The following TRAP1 variants were observed in gnomAD, a reference collection of about 807,000 sequenced individuals.
The protein encoded by TRAP1 is heat shock protein 75 kDa, mitochondrial.
Under a neutral mutation model 89.1 loss-of-function variants are expected in TRAP1, and 102 were observed. That is an observed-to-expected ratio of 1.15 (90% CI 0.98 to 1.35). The LOEUF is 1.35. Among genes scored for constraint, TRAP1 ranks in the 40% most tolerant of loss-of-function variants. TRAP1 has a pLI of 0.00. For synonymous variants in TRAP1, 508 were observed against 388.0 expected, an observed-to-expected ratio of 1.31 and a Z score of -3.64; for missense variants, 1,256 against 945.3, an observed-to-expected ratio of 1.33 and a Z score of -4.31.
intron 11 of TRAP1, 54 bp downstream of exon 11, chr16:3,671,668 G>T: frequency 6.3e-7 from 1 of 1,579,202 alleles, no homozygotes. Context: ...GGGCAAAGGA[G>T]CAGGTAGGGG....
chr16:3,676,052 G>A lies in TRAP1; in HGVS notation c.798C>T (p.Ser266=), dbSNP rs779546794. ...CCCGCTCACCTCGCACCCGGGCCTC[G>A]CTGGAAAACTCCTTGCAGTCGGATT... ...HLKSDCKEFS[S]EARVRDVVTK... is the part of the protein sequence containing the mutation. Residue 266 remains serine, a synonymous_variant, in exon 7 of 18, where the codon AGC becomes AGT. Transcript: ENST00000246957. 1.5e-5 allele frequency: 25 copies of A among 1,613,580 alleles called. No individual in the cohort carries two copies. Among genetic ancestry groups the A allele is most frequent in the African/African-American group, 4.0e-5 (3 of 74,912 alleles).
intron 1 of TRAP1, among the ~76,000 whole-genome samples, chr16:3,695,809 G>A (rs530664331): frequency 2.6e-5 from 4 of 152,262 alleles, no homozygotes; most frequent in African/African-American, 4.8e-5. Context: ...CCCGATTTAC[G>A]CATGTGCCAA....
At chr16:3,711,913 T>C (rs983032415) in intron 1 of TRAP1, among the ~76,000 whole-genome samples, 1 of 152,170 alleles carries the variant, frequency 6.6e-6, no homozygotes, top group African/African-American at 2.4e-5. Flanking sequence ...AAAAACGCCA[T>C]CCATGAACAT....
intron 7 of TRAP1, 109 bp downstream of exon 7, chr16:3,675,927 G>C: frequency 1.0e-6 from 1 of 980,740 alleles, no homozygotes; most frequent in African/African-American, 1.6e-5. Context: ...TCACGGCTCT[G>C]CCTGTGCACC....
intron 9 of TRAP1, among the ~76,000 whole-genome samples, chr16:3,673,564 C>T (rs766433608): frequency 4.1e-5 from 6 of 148,110 alleles, no homozygotes; most frequent in Non-Finnish European, 9.0e-5. Context: ...TGGGGGGGAT[C>T]CGGTTAAAAT....
intron 1 of TRAP1, among the ~76,000 whole-genome samples, chr16:3,698,046 C>T (rs554164810): frequency 2.0e-5 from 3 of 151,872 alleles, no homozygotes; most frequent in Non-Finnish European, 4.4e-5. Context: ...CTCCTGACCT[C>T]GTGATCCGTC....
At chr16:3,674,978 G>A in intron 8 of TRAP1, 1 of 341,010 alleles carries the variant, frequency 2.9e-6, no homozygotes, top group Non-Finnish European at 5.5e-6. Context: ...GTGGGGAAAG[G>A]GCTGCTTTTT....
chr16:3,672,607 G>A (rs879270350), intron 10 of TRAP1, 93 bp downstream of exon 10: 100 of 1,467,352 alleles, frequency 6.8e-5, no homozygotes, highest in Non-Finnish European at 8.6e-5. Flanking sequence ...CGCTGCAGAG[G>A]GCTGCTGAGA....
chr16:3,717,254 C>A (rs375773666), intron 1 of TRAP1, among the ~76,000 whole-genome samples, 167 bp downstream of exon 1: 1 of 152,370 alleles, frequency 6.6e-6, no homozygotes, highest in South Asian at 2.1e-4. Context: ...CAAGCTGGAG[C>A]TGGCGAGGAG....
intron 8 of TRAP1, 92 bp from the exon 9 acceptor site, chr16:3,674,586 C>T (rs1466990571): frequency 6.3e-5 from 93 of 1,466,854 alleles, no homozygotes; most frequent in Non-Finnish European, 8.6e-5. Flanking sequence ...GCGCCTGGCC[C>T]TGGACAGGCT....
At chr16:3,661,956 C>T in intron 16 of TRAP1, 31 bp downstream of exon 16, 7 of 1,564,224 alleles carry the variant, frequency 4.5e-6, no homozygotes, top group South Asian at 1.2e-5. Flanking sequence ...GGGAATCCCA[C>T]AGGCTGGAAG....
At position 3,671,745 on chromosome 16, in the gene TRAP1, C is replaced by T. The variant is rs891673760; in HGVS notation, c.1212G>A (p.Leu404=). ...EDIPLNLSRE[L]LQESALIRKL... is the part of the protein sequence containing the mutation. The stretch of plus-strand genomic sequence containing the variant: ...ACCTGATGAGTGCGCTCTCCTGCAG[C>T]AGCTCCCGGCTGAGGTTCAGGGGAA... Residue 404 remains leucine (L), a synonymous_variant, in exon 11 of 18, where the codon CTG becomes CTA. Transcript: ENST00000246957. 6.2e-7 allele frequency: 1 copy of T among 1,613,200 alleles called. No individual in the cohort carries two copies. The highest frequency in any genetic ancestry group is 8.5e-7 in the Non-Finnish European group (1 of 1,180,040).
At chr16:3,660,641 C>G (rs2043018660) in intron 16 of TRAP1, 1 of 152,236 alleles carries the variant, frequency 6.6e-6, no homozygotes, top group Non-Finnish European at 1.5e-5. Flanking sequence ...CAGCCATAAG[C>G]CAAGTCAGCC....
chr16:3,663,962 C>T (rs1260054844), intron 13 of TRAP1: 1 of 348,112 alleles, frequency 2.9e-6, no homozygotes, highest in East Asian at 5.9e-5. Flanking sequence ...ACTCAGGAGG[C>T]TGAGGCAGGA....
intron 3 of TRAP1, among the ~76,000 whole-genome samples, chr16:3,688,841 C>G (rs2051173134): frequency 6.6e-6 from 1 of 152,136 alleles, no homozygotes; most frequent in Admixed American, 6.5e-5. Context: ...CAGAGTTGAT[C>G]CAGCCCAAAG....
At chr16:3,685,877 G>T in intron 4 of TRAP1, 119 bp downstream of exon 4, 1 of 1,284,072 alleles carries the variant, frequency 7.8e-7, no homozygotes, top group Non-Finnish European at 1.1e-6. Flanking sequence ...TATAGCCAGA[G>T]TTATCCTGGT....
chr16:3,716,256 T>G (rs926318326), intron 1 of TRAP1, among the ~76,000 whole-genome samples: 1 of 152,244 alleles, frequency 6.6e-6, no homozygotes. Context: ...AAAGGGGATA[T>G]AAATTGATAA....
At chr16:3,694,372 C>A (rs2051258560) in intron 1 of TRAP1, among the ~76,000 whole-genome samples, 1 of 151,704 alleles carries the variant, frequency 6.6e-6, no homozygotes, top group Non-Finnish European at 1.5e-5. Context: ...GAGACAGAGT[C>A]TCGCTCTGTC....
At chr16:3,681,049 T>G (rs974998293) in intron 4 of TRAP1, among the ~76,000 whole-genome samples, 1 of 152,144 alleles carries the variant, frequency 6.6e-6, no homozygotes, top group East Asian at 1.9e-4. Context: ...GGGCTCCTCC[T>G]TCCTCAAAGC....
Sources: allele counts gnomAD v4.1 joint callset (sites outside exome capture counted in the v4.1 genomes callset), GRCh38; gene constraint gnomAD v4.1.1; transcripts MANE v1.5; gene names NCBI Gene and HGNC (gene_info 2026-07-23, HGNC 2026-07-21).